VPS13C: variants seen among roughly 807,000 people sequenced by gnomAD.
VPS13C encodes vacuolar protein sorting 13 homolog C, also known as intermembrane lipid transfer protein VPS13C.
In VPS13C, 358 loss-of-function variants were observed where a neutral mutation model predicts 456.8. The observed-to-expected ratio is 0.78, with a 90% confidence interval of 0.72 to 0.86. VPS13C has a LOEUF of 0.86. Ranked by LOEUF, VPS13C falls within the 40% of genes least tolerant of loss-of-function variation. VPS13C has a pLI of 0.00. For missense variants in VPS13C, 4,818 were observed against 4,385.4 expected (o/e 1.10, Z -2.79); for synonymous variants, 1,578 against 1,486.7 (o/e 1.06, Z -1.41).
intron 61 of VPS13C, among the ~76,000 whole-genome samples, chr15:61,913,737 T>G (rs2043373796): frequency 6.6e-6 from 1 of 152,206 alleles, no homozygotes. Context: ...TTTCCAGTGA[T>G]AGACTTATGA....
At chr15:62,008,843 G>T in intron 13 of VPS13C, 82 bp from the exon 14 acceptor site, 2 of 776,492 alleles carry the variant, frequency 2.6e-6, no homozygotes, top group Non-Finnish European at 3.7e-6. Context: ...TTTTAGGCTA[G>T]TGAGACTCCA....
At chr15:61,925,048 AGTT>A (rs1420722729) in intron 53 of VPS13C, among the ~76,000 whole-genome samples, 19 of 152,324 alleles carry the variant, frequency 1.2e-4, no homozygotes, top group South Asian at 4.1e-4. Flanking sequence ...CAAATCATAT[AGTT>A]ATTAAATTCA....
chr15:62,050,555 T>C (rs962008790), intron 1 of VPS13C, among the ~76,000 whole-genome samples: 4 of 152,186 alleles, frequency 2.6e-5, no homozygotes, highest in African/African-American at 9.7e-5. Flanking sequence ...CCCAACACTT[T>C]GGGAGACCAA....
chr15:61,927,422 T>C lies in VPS13C; in HGVS notation c.6287-102A>G, dbSNP rs374490074. The C allele has an allele frequency of 2.3e-4, 198 of 848,902 alleles. No homozygotes were observed. In the African/African-American group the frequency reaches 3.0e-3, roughly 13 times the overall value. 52.6% of individuals were successfully genotyped at this position (848,902 alleles called of 1,614,324 possible). A position where few individuals can be genotyped will look rare whatever the true frequency, so the allele number is the denominator to read the frequency against. On this transcript the variant is annotated intron_variant, in intron 51 of 84. Coordinates refer to ENST00000644861, the MANE Select transcript of VPS13C (RefSeq NM_020821.3). ...TTAAGTTGTTCTCAATGTTTTTCTATAACAGATATGGTGAAACTGACAATA... is the reference window on the plus strand; with the variant it reads ...TTAAGTTGTTCTCAATGTTTTTCTACAACAGATATGGTGAAACTGACAATA...
chr15:61,918,056 T>C (rs906290253), intron 59 of VPS13C, 80 bp downstream of exon 59: 2 of 1,426,482 alleles, frequency 1.4e-6, no homozygotes, highest in African/African-American at 3.0e-5. Flanking sequence ...CTTTAGTTAA[T>C]AAAAATATGA....
chr15:61,882,559 G>C (rs745955599), intron 69 of VPS13C, 37 bp downstream of exon 69: 1 of 1,453,138 alleles, frequency 6.9e-7, no homozygotes. Context: ...GATTCCCAAA[G>C]TGATGATAAA....
intron 62 of VPS13C, 23 bp from the exon 63 acceptor site, chr15:61,912,027 T>C (rs773440086): frequency 6.5e-7 from 1 of 1,540,516 alleles, no homozygotes; most frequent in South Asian, 1.3e-5. Context: ...AAAAAGCTTA[T>C]TTTCCAGTTT....
At chr15:61,941,664 A>C (rs2044429526) in intron 46 of VPS13C, 99 bp downstream of exon 46, 2 of 1,318,944 alleles carry the variant, frequency 1.5e-6, no homozygotes, top group Non-Finnish European at 2.0e-6. Flanking sequence ...GAAATAAGGA[A>C]TGAAAACCAC....
At position 61,984,886 on chromosome 15, in the gene VPS13C, T is replaced by C. The variant is rs150886553; in HGVS notation, c.1692A>G (p.Val564=). The C allele has an allele frequency of 1.4e-4, 227 of 1,613,290 alleles. No homozygotes were observed. The highest frequency in any genetic ancestry group is 5.0e-4 in the Middle Eastern group (3 of 6,052). The change falls in exon 19 of 85, where the codon GTA becomes GTG. Residue 564 remains valine, a synonymous_variant. Coordinates refer to ENST00000644861, the MANE Select transcript of VPS13C (RefSeq NM_020821.3). ...GTGCTTGTGCTCCTGGTCGCTGAGATACTTGAGTGCCCAGGCCAATTATCT... is the reference window on the plus strand; with the variant it reads ...GTGCTTGTGCTCCTGGTCGCTGAGACACTTGAGTGCCCAGGCCAATTATCT... The part of the protein sequence containing the change: ...KIQIIGLGTQ[V]SQRPGAQALK...
intron 60 of VPS13C, among the ~76,000 whole-genome samples, chr15:61,916,694 T>C (rs2140165278): frequency 6.6e-6 from 1 of 152,196 alleles, no homozygotes; most frequent in South Asian, 2.1e-4. Context: ...ATTTTCATAT[T>C]TTAAAATATA....
chr15:61,916,690 A>G (rs2043481912), intron 60 of VPS13C, among the ~76,000 whole-genome samples: 2 of 152,078 alleles, frequency 1.3e-5, no homozygotes, highest in African/African-American at 2.4e-5. Context: ...CCAGATTTTC[A>G]TATTTTAAAA....
intron 18 of VPS13C, 134 bp downstream of exon 18, chr15:61,990,866 G>C: frequency 1.6e-6 from 1 of 635,106 alleles, no homozygotes; most frequent in South Asian, 1.9e-5. Context: ...AAACCTGACT[G>C]AAACATTCAA....
intron 21 of VPS13C, among the ~76,000 whole-genome samples, chr15:61,982,116 T>C (rs1459390596): frequency 4.6e-5 from 7 of 152,342 alleles, no homozygotes; most frequent in East Asian, 1.9e-4. Flanking sequence ...GGTCATGTTA[T>C]ACAAAAGTAA....
chr15:62,051,918 AT>A (rs1213402786), intron 1 of VPS13C, among the ~76,000 whole-genome samples: 2 of 152,218 alleles, frequency 1.3e-5, no homozygotes, highest in Admixed American at 1.3e-4. Flanking sequence ...ATTTAGAACT[AT>A]TTGGGACCAT....
rs546528549 is a variant in VPS13C at position 61,887,462 on chromosome 15, C to T, written c.9341+2703G>A. On this transcript the variant is annotated intron_variant, in intron 67 of 84. Transcript: ENST00000644861. ...GCTTCCATCTTTCACAAAAAATAAA[C>T]TGGATTAGACTTAAATATAAGTTTG... 9.9e-5 allele frequency among the ~76,000 whole-genome samples: 15 copies of T among 152,196 alleles called. No homozygotes were observed. The East Asian group carries it at 2.9e-3, about 29-fold the overall frequency.
chr15:61,963,974 G>T (rs371410879), intron 31 of VPS13C, 23 bp from the exon 32 acceptor site: 34 of 1,448,238 alleles, frequency 2.3e-5, no homozygotes, highest in Non-Finnish European at 3.0e-5. Flanking sequence ...CAAAGCATCT[G>T]TCACATGGTG....
chr15:61,983,737 A>C, intron 20 of VPS13C, 83 bp downstream of exon 20: 2 of 1,389,508 alleles, frequency 1.4e-6, no homozygotes. Flanking sequence ...TAAATGTTAA[A>C]TATGAAAGAG....
At chr15:61,966,377 T>A (rs1418803718) in intron 29 of VPS13C, among the ~76,000 whole-genome samples, 3 of 151,840 alleles carry the variant, frequency 2.0e-5, no homozygotes, top group Non-Finnish European at 4.4e-5. Context: ...AAACTGTAGC[T>A]AAGAATCAGA....
intron 37 of VPS13C, among the ~76,000 whole-genome samples, chr15:61,957,973 T>C (rs1348685343): frequency 6.6e-6 from 1 of 151,908 alleles, no homozygotes. Context: ...AACACACACA[T>C]GCATGTACAC....
Sources: allele counts gnomAD v4.1 joint callset (sites outside exome capture counted in the v4.1 genomes callset), GRCh38; gene constraint gnomAD v4.1.1; transcripts MANE v1.5; gene names NCBI Gene and HGNC (gene_info 2026-07-23, HGNC 2026-07-21).